The following PACS1 variants were observed in gnomAD, a reference collection of about 807,000 sequenced individuals.
The protein encoded by PACS1 is phosphofurin acidic cluster sorting protein 1, also known as PACS-1.
In PACS1, 24 loss-of-function variants were observed where a neutral mutation model predicts 115.0. The ratio of observed to expected loss-of-function variants is 0.21; its 90% CI spans 0.15 to 0.29. PACS1 has a LOEUF of 0.29. PACS1 is among the 10% of genes least tolerant of loss of function. PACS1 has a pLI of 1.00. For missense variants in PACS1, 838 were observed against 1,251.2 expected, an observed-to-expected ratio of 0.67 and a Z score of 4.98; for synonymous variants, 453 against 504.5, an observed-to-expected ratio of 0.90 and a Z score of 1.37.
chr11:66,143,758 G>A (rs1374844881), intron 1 of PACS1, among the ~76,000 whole-genome samples: 2 of 152,026 alleles, frequency 1.3e-5, no homozygotes, highest in African/African-American at 4.8e-5. Flanking sequence ...TCATGTCTCA[G>A]CCTCCCAAGA....
chr11:66,134,677 G>T (rs1225415473), intron 1 of PACS1, among the ~76,000 whole-genome samples: 1 of 151,908 alleles, frequency 6.6e-6, no homozygotes, highest in East Asian at 1.9e-4. Context: ...GTTGGGTAGG[G>T]CTCCCTGTAC....
At chr11:66,123,556 C>T (rs1227542647) in intron 1 of PACS1, among the ~76,000 whole-genome samples, 4 of 150,522 alleles carry the variant, frequency 2.7e-5, no homozygotes, top group Non-Finnish European at 5.9e-5. Flanking sequence ...GAGTTTCGCT[C>T]TGTCGCCCAG....
chr11:66,238,556 A>G (rs1220218168), intron 19 of PACS1: 4 of 444,814 alleles, frequency 9.0e-6, no homozygotes, highest in Non-Finnish European at 1.6e-5. Context: ...GCTGGAGTGC[A>G]GTGGCGCCAT....
chr11:66,164,785 T>A (rs1179635829), intron 1 of PACS1, among the ~76,000 whole-genome samples: 1 of 151,186 alleles, frequency 6.6e-6, no homozygotes, highest in African/African-American at 2.4e-5. Flanking sequence ...TTTAAAACAT[T>A]GTTTATAGTT....
At chr11:66,181,744 C>A (rs928789765) in intron 1 of PACS1, among the ~76,000 whole-genome samples, 12 of 151,898 alleles carry the variant, frequency 7.9e-5, no homozygotes, top group Admixed American at 2.0e-4. Context: ...TTTGTTTGTT[C>A]TTTTTTTCCC....
chr11:66,202,741 AAATATATATATATATATATATATATATAT>A, intron 2 of PACS1, among the ~76,000 whole-genome samples: 1 of 93,882 alleles, frequency 1.1e-5, no homozygotes, highest in East Asian at 3.1e-4. Flanking sequence ...AAAAAAAAAA[AAATATATATATATATATATATATATATAT>A]ATATATATAT....
chr11:66,120,944 A>C (rs1009890794), intron 1 of PACS1: 14 of 451,682 alleles, frequency 3.1e-5, no homozygotes, highest in Non-Finnish European at 5.8e-5. Flanking sequence ...GGGCCTGTGC[A>C]CGCCTCTCTC....
At chr11:66,134,993 CT>C (rs1051773982) in intron 1 of PACS1, among the ~76,000 whole-genome samples, 2 of 151,932 alleles carry the variant, frequency 1.3e-5, no homozygotes, top group African/African-American at 4.8e-5. Flanking sequence ...GGTGGATCAC[CT>C]GAGGTCAGGA....
chr11:66,081,057 C>T (rs942548186), intron 1 of PACS1, among the ~76,000 whole-genome samples: 1 of 151,762 alleles, frequency 6.6e-6, no homozygotes, highest in Non-Finnish European at 1.5e-5. Flanking sequence ...AGGGAGACCC[C>T]GTCTGTACAA....
intron 1 of PACS1, among the ~76,000 whole-genome samples, chr11:66,173,843 A>G (rs1434770610): frequency 2.0e-5 from 3 of 152,222 alleles, no homozygotes; most frequent in Admixed American, 6.5e-5. Flanking sequence ...ACCTAAGGTC[A>G]GGAGTTCGAG....
Position 66,193,481 on chromosome 11 carries a change from T to C in PACS1, c.357-5T>C, listed in dbSNP as rs1193484969. On this transcript the variant is annotated splice_polypyrimidine_tract_variant and splice_region_variant and intron_variant, in intron 1 of 23. Coordinates refer to ENST00000320580, the MANE Select transcript of PACS1 (RefSeq NM_018026.4). Reference sequence around the variant, plus strand: ...TGACAGCATCTTCCTTCTCTGTTTTTCTAGGCTATTCAGCTTGACCCTGAA... The same window carrying C: ...TGACAGCATCTTCCTTCTCTGTTTTCCTAGGCTATTCAGCTTGACCCTGAA... The C allele has an allele frequency of 1.2e-6, 2 of 1,604,274 alleles. No individual in the cohort carries two copies. The highest frequency in any genetic ancestry group is 1.1e-5 in the South Asian group (1 of 90,844).
chr11:66,235,350 C>T lies in PACS1; in HGVS notation c.2154C>T (p.Ala718=). ...TGATGCAGTACGTCAACGGGGCAGC[C>T]ACGACACACCAGCTTCCCGTGGCCG... is the stretch of plus-strand genomic sequence containing the variant. ...GRVMQYVNGA[A]TTHQLPVAEA... is the part of the protein sequence containing the mutation. The change falls in exon 18 of 24, where the codon GCC becomes GCT. Residue 718 remains alanine (A), a synonymous_variant. Transcript: ENST00000320580. This position sits in a 1 kb window ranked among gnomAD's most constrained non-coding sequence, Gnocchi z 5.6. The T allele has an allele frequency of 6.2e-7, 1 of 1,614,058 alleles. No homozygotes were observed. Among genetic ancestry groups the T allele is most frequent in the South Asian group, 1.1e-5 (1 of 91,070 alleles).
At position 66,235,143 on chromosome 11, in the gene PACS1, G is replaced by A. The variant is rs1337354871; in HGVS notation, c.2105-158G>A. ...TTGGAAGGGAGAGGACCATCCTTGG[G>A]CTCATGATTCCTTCAAACCAGAAGG... is the stretch of plus-strand genomic sequence containing the variant. On this transcript the variant is annotated intron_variant, in intron 17 of 23. Coordinates refer to ENST00000320580, the MANE Select transcript of PACS1 (RefSeq NM_018026.4). This position sits in a 1 kb window ranked among gnomAD's most constrained non-coding sequence, Gnocchi z 5.6. 2.6e-5 allele frequency among the ~76,000 whole-genome samples: 4 copies of A among 152,148 alleles called. No individual in the cohort carries two copies. The highest frequency in any genetic ancestry group is 4.4e-5 in the Non-Finnish European group (3 of 68,044).
At chr11:66,149,079 A>G (rs1321218033) in intron 1 of PACS1, among the ~76,000 whole-genome samples, 1 of 148,250 alleles carries the variant, frequency 6.7e-6, no homozygotes, top group Non-Finnish European at 1.5e-5. Flanking sequence ...GCATGTGCAC[A>G]TGCACACGCA....
At chr11:66,211,300 A>T (rs376600214) in intron 4 of PACS1, 41 bp downstream of exon 4, 179 of 1,609,252 alleles carry the variant, frequency 1.1e-4, no homozygotes, top group Admixed American at 1.5e-4. Flanking sequence ...CCTTTGAGTC[A>T]CAGAGCCCAA....
chr11:66,226,700 A>G (rs966156728), intron 10 of PACS1, among the ~76,000 whole-genome samples: 1 of 152,130 alleles, frequency 6.6e-6, no homozygotes, highest in African/African-American at 2.4e-5. Context: ...AAGGACTTTG[A>G]GTCATTGGGA....
intron 1 of PACS1, among the ~76,000 whole-genome samples, chr11:66,169,883 A>G (rs1859696851): frequency 1.3e-5 from 2 of 150,564 alleles, no homozygotes; most frequent in Non-Finnish European, 2.9e-5. Flanking sequence ...GGAAGAATGT[A>G]TATAAGATTA....
intron 1 of PACS1, among the ~76,000 whole-genome samples, chr11:66,083,121 A>C (rs149773105): frequency 6.6e-6 from 1 of 152,248 alleles, no homozygotes; most frequent in African/African-American, 2.4e-5. Flanking sequence ...TGTAGAAAGT[A>C]GTTGACAGCA....
At chr11:66,148,708 T>A (rs1005188151) in intron 1 of PACS1, among the ~76,000 whole-genome samples, 1 of 152,060 alleles carries the variant, frequency 6.6e-6, no homozygotes, top group African/African-American at 2.4e-5. Context: ...GGCGGATCAC[T>A]TGAGGTCAGG....
Sources: gnomAD v4.1 joint callset for allele counts (sites outside exome capture counted in the v4.1 genomes callset) on GRCh38, gnomAD v4.1.1 for gene constraint, Gnocchi (gnomAD v3.1) non-coding constraint, MANE v1.5 for transcripts, NCBI Gene and HGNC (gene_info 2026-07-23, HGNC 2026-07-21) for gene names.